The following KDM4C variants were observed in gnomAD, a reference collection of about 807,000 sequenced individuals.
KDM4C encodes lysine-specific demethylase 4C.
In KDM4C, 81 loss-of-function variants were observed where a neutral mutation model predicts 129.3. That is an observed-to-expected ratio of 0.63 (90% CI 0.52 to 0.75). KDM4C has a LOEUF of 0.75. KDM4C is among the 30% of genes least tolerant of loss of function. The pLI is 0.00. For missense variants in KDM4C, 1,457 were observed against 1,304.0 expected (o/e 1.12, Z -1.81); for synonymous variants, 573 against 456.1 (o/e 1.26, Z -3.26).
At chr9:7,168,179 A>T (rs1395316694) in intron 20 of KDM4C, among the ~76,000 whole-genome samples, 1 of 152,064 alleles carries the variant, frequency 6.6e-6, no homozygotes, top group African/African-American at 2.4e-5. Flanking sequence ...CAAGAGCGAA[A>T]CTCCGTCTCA....
chr9:6,762,688 C>T (rs1460442392), intron 1 of KDM4C, among the ~76,000 whole-genome samples: 3 of 146,586 alleles, frequency 2.0e-5, no homozygotes, highest in East Asian at 2.0e-4. Flanking sequence ...GATGGAGTCT[C>T]GCCCTTGTTG....
intron 8 of KDM4C, among the ~76,000 whole-genome samples, chr9:6,967,127 A>C (rs1005167745): frequency 6.6e-6 from 1 of 152,130 alleles, no homozygotes; most frequent in African/African-American, 2.4e-5. Flanking sequence ...TGGGCCAAAA[A>C]TTATACAGAC....
chr9:6,747,810 G>C (rs1183879924), intron 1 of KDM4C, among the ~76,000 whole-genome samples: 1 of 152,154 alleles, frequency 6.6e-6, no homozygotes, highest in Non-Finnish European at 1.5e-5. Context: ...AATTTAGAGG[G>C]AGTGCCCTGG....
At chr9:7,113,692 C>T (rs1838588315) in intron 18 of KDM4C, among the ~76,000 whole-genome samples, 1 of 152,208 alleles carries the variant, frequency 6.6e-6, no homozygotes. Flanking sequence ...AATGGTTGAA[C>T]TCTAGGCTAT....
intron 8 of KDM4C, among the ~76,000 whole-genome samples, chr9:6,918,215 C>G (rs767511720): frequency 7.2e-5 from 11 of 152,174 alleles, no homozygotes; most frequent in Non-Finnish European, 1.2e-4. Flanking sequence ...CAGTTCCCAT[C>G]TTTGTGTCAA....
intron 18 of KDM4C, among the ~76,000 whole-genome samples, chr9:7,120,213 G>T (rs1839348712): frequency 1.3e-5 from 2 of 151,750 alleles, no homozygotes; most frequent in South Asian, 4.2e-4. Flanking sequence ...TTTTAAGTCA[G>T]CCTTTTGGAT....
chr9:6,776,329 T>A (rs1823027272), intron 1 of KDM4C, among the ~76,000 whole-genome samples: 1 of 152,160 alleles, frequency 6.6e-6, no homozygotes, highest in Non-Finnish European at 1.5e-5. Flanking sequence ...AGTGGCACGA[T>A]CTCGGCTTAC....
At chr9:7,052,894 A>AGAGAGAGAGC (rs1339242817) in intron 17 of KDM4C, among the ~76,000 whole-genome samples, 2,307 of 105,450 alleles carry the variant, frequency 0.022, 167 homozygotes, top group African/African-American at 0.072. Flanking sequence ...AGAGAGAGAG[A>AGAGAGAGAGC]GAGAGAGCGA....
chr9:6,979,950 A>G (rs913349375), intron 8 of KDM4C, among the ~76,000 whole-genome samples: 3 of 152,218 alleles, frequency 2.0e-5, no homozygotes, highest in Admixed American at 2.0e-4. Flanking sequence ...TTTGAATGTA[A>G]TGGCCATTAG....
At position 6,805,753 on chromosome 9, in the gene KDM4C, G is replaced by A. The variant is rs564277921; in HGVS notation, c.299G>A (p.Arg100Lys). 1 of 1,612,660 alleles carries A rather than the reference G, an allele frequency of 6.2e-7. No individual in the cohort carries two copies. Among genetic ancestry groups the A allele is most frequent in the African/African-American group, 1.3e-5 (1 of 74,990 alleles). Reference sequence around the variant, plus strand: ...AAAGCGATGACTGTGAAGGAGTTCAGGCAGCTGGCCAACAGTGGCAAGTGA... The same window carrying A: ...AAAGCGATGACTGTGAAGGAGTTCAAGCAGCTGGCCAACAGTGGCAAGTGA... Reference protein sequence around the residue: ...QKKAMTVKEFRQLANSGKYCT... With the variant: ...QKKAMTVKEFKQLANSGKYCT... The change falls in exon 3 of 22, where the codon AGG becomes AAG. Residue 100 changes from arginine (R) to lysine (K), a missense_variant. By Grantham distance (26) the Arg-to-Lys change is conservative (BLOSUM62 2). Coordinates refer to ENST00000381309, the MANE Select transcript of KDM4C (RefSeq NM_015061.6).
chr9:6,744,054 C>T (rs1407703463), intron 1 of KDM4C, among the ~76,000 whole-genome samples: 1 of 117,402 alleles, frequency 8.5e-6, no homozygotes, highest in Non-Finnish European at 1.6e-5. Flanking sequence ...GGCCCCTCTC[C>T]AGTTCTATGT....
intron 2 of KDM4C, among the ~76,000 whole-genome samples, chr9:6,798,633 C>T (rs1468460977): frequency 2.0e-5 from 3 of 152,232 alleles, no homozygotes; most frequent in Non-Finnish European, 4.4e-5. Context: ...TCTCCCATGT[C>T]TACTTCTTTC....
At position 6,758,089 on chromosome 9, in the gene KDM4C, C is replaced by T. The variant is rs1229135936; in HGVS notation, c.-132C>T. 3 of 985,604 alleles carry T rather than the reference C, an allele frequency of 3.0e-6. No homozygotes were observed. Among genetic ancestry groups the T allele is most frequent in the Non-Finnish European group, 3.6e-6 (3 of 830,068 alleles). 61.1% of individuals were successfully genotyped at this position (985,604 alleles called of 1,614,324 possible). A position where few individuals can be genotyped will look rare whatever the true frequency, so the allele number is the denominator to read the frequency against. On this transcript the variant is annotated 5_prime_UTR_variant, in exon 1 of 22. Coordinates refer to ENST00000381309, the MANE Select transcript of KDM4C (RefSeq NM_015061.6). This position sits in a 1 kb window ranked among gnomAD's most constrained non-coding sequence, Gnocchi z 4.6. The stretch of plus-strand genomic sequence containing the variant: ...TCCTGTGCGCGTGCGCAGCGAACAG[C>T]TGTCACCTAGTGCGGAACAAGTCTC...
chr9:6,927,325 T>C (rs1822814018), intron 8 of KDM4C, among the ~76,000 whole-genome samples: 1 of 152,196 alleles, frequency 6.6e-6, no homozygotes, highest in East Asian at 1.9e-4. Context: ...AGATGGTGTT[T>C]TGCCGTGTTG....
intron 17 of KDM4C, among the ~76,000 whole-genome samples, chr9:7,090,210 C>T (rs1485890275): frequency 1.3e-5 from 2 of 152,238 alleles, no homozygotes; most frequent in Non-Finnish European, 2.9e-5. Context: ...CAAGCAGATT[C>T]TTTCTCCTAA....
intron 17 of KDM4C, among the ~76,000 whole-genome samples, chr9:7,064,122 A>G (rs1280420243): frequency 1.3e-5 from 2 of 152,198 alleles, no homozygotes; most frequent in Non-Finnish European, 2.9e-5. Context: ...AGCACTTTAG[A>G]TACAACTATA....
chr9:6,807,790 TG>T (rs752540856), intron 3 of KDM4C, among the ~76,000 whole-genome samples: 4,219 of 109,414 alleles, frequency 0.039, 262 homozygotes, highest in African/African-American at 0.14. Context: ...GGGAGGGAGG[TG>T]GGGGGGGGGT....
At chr9:6,757,932 C>G, upstream of KDM4C, 1 of 985,394 alleles carries the variant, frequency 1.0e-6, no homozygotes. Context: ...CAAGTGCGGG[C>G]CCCAGCGGTC....
chr9:6,796,370 G>T (rs922407889), intron 2 of KDM4C, among the ~76,000 whole-genome samples: 1 of 152,156 alleles, frequency 6.6e-6, no homozygotes, highest in African/African-American at 2.4e-5. Flanking sequence ...ACTTGAACCC[G>T]GGAGGTGGAG....
Sources: allele counts gnomAD v4.1 joint callset (sites outside exome capture counted in the v4.1 genomes callset), GRCh38; gene constraint gnomAD v4.1.1; non-coding constraint Gnocchi (gnomAD v3.1); transcripts MANE v1.5; gene names NCBI Gene and HGNC (gene_info 2026-07-23, HGNC 2026-07-21).